ATG5: variants seen among roughly 807,000 people sequenced by gnomAD.
ATG5 encodes the protein autophagy related 5.
ATG5 carries 14 observed loss-of-function variants against 36.5 expected under a neutral mutation model. The observed-to-expected ratio is 0.38, with a 90% CI of 0.25 to 0.60. ATG5 has a LOEUF of 0.60. Ranked by LOEUF, ATG5 falls within the 20% of genes least tolerant of loss-of-function variation. The pLI, the probability that ATG5 is intolerant of heterozygous loss-of-function variation, is 0.60. For missense variants in ATG5, 195 were observed against 326.7 expected, an observed-to-expected ratio of 0.60 and a Z score of 3.11; for synonymous variants, 95 against 101.5, an observed-to-expected ratio of 0.94 and a Z score of 0.38.
intron 5 of ATG5, among the ~76,000 whole-genome samples, chr6:106,277,358 A>G (rs1005009737): frequency 1.3e-5 from 2 of 152,268 alleles, no homozygotes; most frequent in Admixed American, 1.3e-4. Flanking sequence ...CAGGAATTAC[A>G]GGACATGCCC....
intron 4 of ATG5, among the ~76,000 whole-genome samples, chr6:106,284,757 C>T (rs1471874370): frequency 6.6e-6 from 1 of 151,332 alleles, no homozygotes; most frequent in Admixed American, 6.6e-5. Flanking sequence ...CCCTAAAAAC[C>T]AGTTATGCTG....
intron 1 of ATG5, among the ~76,000 whole-genome samples, chr6:106,318,571 A>T (rs752084082): frequency 6.6e-6 from 1 of 152,194 alleles, no homozygotes; most frequent in Non-Finnish European, 1.5e-5. Flanking sequence ...GTGAAAGATA[A>T]ATTGGTACTT....
intron 6 of ATG5, chr6:106,217,485 C>T (rs1367944251): frequency 6.6e-6 from 1 of 152,194 alleles, no homozygotes; most frequent in Non-Finnish European, 1.5e-5. Flanking sequence ...ACTGCGTCCA[C>T]TGTTTGCGAG....
At chr6:106,301,558 T>C (rs551365148) in intron 3 of ATG5, among the ~76,000 whole-genome samples, 9 of 152,170 alleles carry the variant, frequency 5.9e-5, no homozygotes, top group African/African-American at 1.9e-4. Flanking sequence ...GATTCATTCA[T>C]TCATTCATTC....
rs35701133 is a variant in ATG5, at chr6:106,243,904, C to CTTT, written c.573+4243_573+4245dup. On this transcript the variant is annotated intron_variant, in intron 6 of 7. Coordinates refer to ENST00000369076, the MANE Select transcript of ATG5 (RefSeq NM_004849.4). ...AAAACAAAGATAAGTAGGAACCATC[C>CTTT]TTTTTTTTTTTTTTTTTTTTTTTTT... Among the ~76,000 whole-genome samples, 409 of 54,936 alleles carry CTTT rather than the reference C, an allele frequency of 7.4e-3. 18 individuals are homozygous for CTTT. The highest frequency in any genetic ancestry group is 0.029 in the African/African-American group (393 of 13,350). The allele number at this position is 54,936 out of a possible 152,430, so 36.0% of individuals were successfully genotyped here.
intron 5 of ATG5, among the ~76,000 whole-genome samples, chr6:106,253,691 T>C (rs1778687602): frequency 1.3e-5 from 2 of 152,178 alleles, no homozygotes; most frequent in Admixed American, 6.5e-5. Context: ...GTGCACAGCA[T>C]CCAGAAAGCT....
intron 3 of ATG5, among the ~76,000 whole-genome samples, chr6:106,300,578 A>T (rs1770168942): frequency 6.6e-6 from 1 of 152,120 alleles, no homozygotes; most frequent in Non-Finnish European, 1.5e-5. Flanking sequence ...ATCACAGTGT[A>T]CTTACACAAA....
At chr6:106,243,842 A>G (rs1244965076) in intron 6 of ATG5, among the ~76,000 whole-genome samples, 1 of 151,564 alleles carries the variant, frequency 6.6e-6, no homozygotes, top group Non-Finnish European at 1.5e-5. Context: ...AAATAAATAA[A>G]TAAGTAAGTA....
intron 4 of ATG5, among the ~76,000 whole-genome samples, chr6:106,291,773 T>C (rs1031792305): frequency 2.6e-5 from 4 of 152,266 alleles, no homozygotes; most frequent in Non-Finnish European, 5.9e-5. Flanking sequence ...TTGTTGTATA[T>C]GCAAGCATTC....
chr6:106,237,713 G>C (rs552911165), intron 6 of ATG5, among the ~76,000 whole-genome samples: 1 of 152,054 alleles, frequency 6.6e-6, no homozygotes, highest in Non-Finnish European at 1.5e-5. Context: ...ATCCAGTCCC[G>C]AATTCCATAA....
intron 6 of ATG5, among the ~76,000 whole-genome samples, chr6:106,203,716 G>A (rs1323815454): frequency 6.6e-6 from 1 of 152,196 alleles, no homozygotes; most frequent in Non-Finnish European, 1.5e-5. Flanking sequence ...GAGTAGCTGG[G>A]ACTACAGGTG....
At chr6:106,207,812 G>C (rs981125767) in intron 6 of ATG5, among the ~76,000 whole-genome samples, 1 of 151,494 alleles carries the variant, frequency 6.6e-6, no homozygotes. Flanking sequence ...TATTAGATTC[G>C]GCTGGGGGTG....
intron 5 of ATG5, among the ~76,000 whole-genome samples, chr6:106,261,410 C>T (rs1263448155): frequency 6.6e-6 from 1 of 152,202 alleles, no homozygotes; most frequent in African/African-American, 2.4e-5. Flanking sequence ...TATAGTTACA[C>T]ATGCAGCCAA....
intron 6 of ATG5, among the ~76,000 whole-genome samples, chr6:106,240,583 G>A (rs1778083152): frequency 6.6e-6 from 1 of 151,730 alleles, no homozygotes; most frequent in Non-Finnish European, 1.5e-5. Flanking sequence ...CCCTATTGCT[G>A]GTGGAGATGT....
chr6:106,199,115 C>T (rs1038889511), intron 7 of ATG5, among the ~76,000 whole-genome samples: 2 of 152,210 alleles, frequency 1.3e-5, no homozygotes, highest in Non-Finnish European at 2.9e-5. Flanking sequence ...TTATACACCG[C>T]TGGTGAGACT....
At chr6:106,220,682 A>AATC (rs897577368) in intron 6 of ATG5, among the ~76,000 whole-genome samples, 43 of 152,324 alleles carry the variant, frequency 2.8e-4, no homozygotes, top group African/African-American at 9.1e-4. Context: ...CACTACCAAG[A>AATC]ATCAAAGCCT....
chr6:106,215,467 T>G (rs1029797491), intron 6 of ATG5, among the ~76,000 whole-genome samples: 1 of 152,180 alleles, frequency 6.6e-6, no homozygotes, highest in Non-Finnish European at 1.5e-5. Context: ...TTTATTCTAC[T>G]AAAGTAACAT....
chr6:106,290,259 ATTTATTTTAT>A (rs141834176), intron 4 of ATG5, among the ~76,000 whole-genome samples: 12,396 of 141,464 alleles, frequency 0.088, 726 homozygotes, highest in Middle Eastern at 0.16. Context: ...ATTTTATTTT[ATTTATTTTAT>A]TTTATTTTAT....
chr6:106,191,091 A>G (rs1458720297), intron 7 of ATG5, among the ~76,000 whole-genome samples: 1 of 152,206 alleles, frequency 6.6e-6, no homozygotes, highest in Non-Finnish European at 1.5e-5. Context: ...ATGGTTTGAA[A>G]ATCTAGCTGA....
Sources: gnomAD v4.1 joint callset for allele counts (sites outside exome capture counted in the v4.1 genomes callset) on GRCh38, gnomAD v4.1.1 for gene constraint, MANE v1.5 for transcripts, NCBI Gene and HGNC (gene_info 2026-07-23, HGNC 2026-07-21) for gene names.